HMGB1: variants seen among roughly 807,000 people sequenced by gnomAD.
HMGB1 encodes the protein high mobility group box 1, also known as high mobility group protein B1.
For missense variants in HMGB1, 79 were observed against 253.5 expected (o/e 0.31, Z 4.67); for synonymous variants, 81 against 84.0 (o/e 0.96, Z 0.19).
intron 1 of HMGB1, among the ~76,000 whole-genome samples, chr13:30,497,445 G>GTTTT (rs386378693): frequency 1.2e-3 from 182 of 147,714 alleles, no homozygotes; most frequent in Admixed American, 1.6e-3. Flanking sequence ...TGGCCAGGCT[G>GTTTT]TTTTTTTTTT....
Position 30,563,049 on chromosome 13 carries a change from C to T in HMGB1, c.-15+53622G>A, listed in dbSNP as rs185724272. Among the ~76,000 whole-genome samples the T allele has an allele frequency of 9.2e-5, 14 of 152,332 alleles. No individual in the cohort carries two copies. In the East Asian group the frequency reaches 2.7e-3, roughly 29 times the overall value. ...AAATGTCAGCCTCCAGAGCACAGGGCTTTAAGCCTCAAGTACTGTTAACAG... is the reference window on the plus strand; with the variant it reads ...AAATGTCAGCCTCCAGAGCACAGGGTTTTAAGCCTCAAGTACTGTTAACAG... On this transcript the variant is annotated intron_variant, in intron 1 of 4. Transcript: ENST00000405805.
At chr13:30,537,652 C>CCT (rs1555238610) in intron 1 of HMGB1, among the ~76,000 whole-genome samples, 63 of 68,018 alleles carry the variant, frequency 9.3e-4, no homozygotes, top group African/African-American at 2.2e-3. Context: ...CATTCTTGTT[C>CCT]ATATATATAT....
At chr13:30,471,825 C>T (rs536397302) in intron 1 of HMGB1, among the ~76,000 whole-genome samples, 46 of 151,536 alleles carry the variant, frequency 3.0e-4, no homozygotes, top group African/African-American at 1.0e-3. Flanking sequence ...CGCACCACCA[C>T]GCCTGGCTAA....
chr13:30,542,315 A>G (rs556670453), intron 1 of HMGB1: 88 of 168,016 alleles, frequency 5.2e-4, no homozygotes, highest in African/African-American at 2.1e-3. Context: ...TCTCATCCTC[A>G]CTGTCTGTGG....
At chr13:30,617,170 C>A (rs890359842) in exon 1 of HMGB1, 2 of 152,174 alleles carry the variant, frequency 1.3e-5, no homozygotes, top group African/African-American at 4.8e-5. Flanking sequence ...CTAGTCAGAA[C>A]GGGTCGTGGA....
chr13:30,547,699 T>C (rs570954556), intron 1 of HMGB1, among the ~76,000 whole-genome samples: 1 of 152,222 alleles, frequency 6.6e-6, no homozygotes, highest in South Asian at 2.1e-4. Context: ...GGTGGATCAC[T>C]TGAAGTCAGG....
intron 1 of HMGB1, among the ~76,000 whole-genome samples, chr13:30,471,144 G>A (rs918095903): frequency 6.6e-6 from 1 of 151,498 alleles, no homozygotes; most frequent in African/African-American, 2.4e-5. Context: ...GCTAATTTTT[G>A]TATTTTTAGT....
intron 1 of HMGB1, among the ~76,000 whole-genome samples, chr13:30,573,318 T>C (rs1211877649): frequency 6.6e-6 from 1 of 152,176 alleles, no homozygotes; most frequent in Non-Finnish European, 1.5e-5. Flanking sequence ...TCATTTAAAA[T>C]AAAAATACTG....
At chr13:30,509,837 C>T (rs1010473864) in intron 1 of HMGB1, among the ~76,000 whole-genome samples, 5 of 151,816 alleles carry the variant, frequency 3.3e-5, no homozygotes, top group East Asian at 1.9e-4. Flanking sequence ...CTTCATTTCC[C>T]GTAGCAAGAA....
At chr13:30,471,543 C>T (rs1277820780) in intron 1 of HMGB1, among the ~76,000 whole-genome samples, 9 of 146,528 alleles carry the variant, frequency 6.1e-5, no homozygotes, top group African/African-American at 2.0e-4. Flanking sequence ...TTAGTAGAGA[C>T]GGGATTTCAC....
At chr13:30,464,640 G>A (rs1470923710) in intron 1 of HMGB1, 1 of 983,994 alleles carries the variant, frequency 1.0e-6, no homozygotes, top group South Asian at 4.7e-5. Context: ...GCTCGAAATG[G>A]GGGCTGGCTC....
intron 1 of HMGB1, among the ~76,000 whole-genome samples, chr13:30,497,122 G>A (rs1031813504): frequency 2.0e-5 from 3 of 151,960 alleles, no homozygotes; most frequent in Non-Finnish European, 4.4e-5. Flanking sequence ...TCCTCTTCAC[G>A]TTTCACTGTA....
chr13:30,554,630 G>A, intron 1 of HMGB1: 1 of 772,118 alleles, frequency 1.3e-6, no homozygotes. Context: ...AATTGGTCTA[G>A]AAGAAGAAAA....
At chr13:30,557,179 A>G (rs1359505460) in intron 1 of HMGB1, among the ~76,000 whole-genome samples, 1 of 152,222 alleles carries the variant, frequency 6.6e-6, no homozygotes, top group African/African-American at 2.4e-5. Flanking sequence ...ATCTAAAATA[A>G]TAATTGTATG....
intron 1 of HMGB1, among the ~76,000 whole-genome samples, chr13:30,586,524 G>T (rs1159548372): frequency 9.4e-6 from 1 of 106,014 alleles, no homozygotes; most frequent in Admixed American, 1.5e-4. Context: ...GTTTCGCTCT[G>T]TTGCCCAGGC....
intron 1 of HMGB1, among the ~76,000 whole-genome samples, chr13:30,594,417 CCCATCTTTATGT>C (rs1871512437): frequency 1.3e-5 from 2 of 152,140 alleles, no homozygotes; most frequent in African/African-American, 4.8e-5. Context: ...GTCTACTGTT[CCCATCTTTATGT>C]CCATGTGTAC....
At chr13:30,616,752 T>C (rs1461521220) in exon 1 of HMGB1, 1 of 152,174 alleles carries the variant, frequency 6.6e-6, no homozygotes, top group Non-Finnish European at 1.5e-5. Context: ...AAAACTAAAA[T>C]CCTTTTTACT....
At chr13:30,594,325 G>A (rs755336272) in intron 1 of HMGB1, among the ~76,000 whole-genome samples, 6 of 152,198 alleles carry the variant, frequency 3.9e-5, no homozygotes, top group Admixed American at 2.0e-4. Context: ...TGCCACAACA[G>A]TGAACACAGT....
At chr13:30,500,110 C>G (rs1033619900) in intron 1 of HMGB1, among the ~76,000 whole-genome samples, 3 of 152,068 alleles carry the variant, frequency 2.0e-5, no homozygotes, top group Admixed American at 6.6e-5. Flanking sequence ...CTCTCCAGAG[C>G]AGGTTGTTAT....
Sources: gnomAD v4.1 joint callset for allele counts (sites outside exome capture counted in the v4.1 genomes callset) on GRCh38, gnomAD v4.1.1 for gene constraint, MANE v1.5 for transcripts, NCBI Gene and HGNC (gene_info 2026-07-23, HGNC 2026-07-21) for gene names.